The following EPHA7 variants were observed in gnomAD, a reference collection of about 807,000 sequenced individuals.
The protein encoded by EPHA7 is ephrin type-A receptor 7.
In EPHA7, 25 loss-of-function variants were observed where a neutral mutation model predicts 112.6. That is an observed-to-expected ratio of 0.22 (90% CI 0.16 to 0.31). The LOEUF (loss-of-function observed/expected upper bound fraction) is 0.31, where lower values mean the gene tolerates loss of function less well. EPHA7 is among the 10% of genes least tolerant of loss of function. The pLI, the probability that EPHA7 is intolerant of heterozygous loss-of-function variation, is 1.00. For synonymous variants in EPHA7, 437 were observed against 406.5 expected, an observed-to-expected ratio of 1.07 and a Z score of -0.90; for missense variants, 962 against 1,212.6, an observed-to-expected ratio of 0.79 and a Z score of 3.07.
At chr6:93,387,137 T>C (rs1368549523) in intron 3 of EPHA7, among the ~76,000 whole-genome samples, 1 of 152,120 alleles carries the variant, frequency 6.6e-6, no homozygotes, top group African/African-American at 2.4e-5. Flanking sequence ...AGGCTGCAAA[T>C]TTTCCAAACT....
chr6:93,402,761 T>C (rs1304200197), intron 3 of EPHA7, among the ~76,000 whole-genome samples: 3 of 152,016 alleles, frequency 2.0e-5, no homozygotes, highest in Admixed American at 6.6e-5. Context: ...ATATTTATAA[T>C]ATATAATTTG....
At chr6:93,317,169 G>T (rs1175985994) in intron 5 of EPHA7, among the ~76,000 whole-genome samples, 1 of 152,110 alleles carries the variant, frequency 6.6e-6, no homozygotes, top group Non-Finnish European at 1.5e-5. Context: ...TGTGTAAGTG[G>T]TATGTTTGCC....
intron 5 of EPHA7, among the ~76,000 whole-genome samples, chr6:93,307,905 A>G (rs1465852975): frequency 2.0e-5 from 3 of 152,194 alleles, no homozygotes; most frequent in African/African-American, 7.2e-5. Flanking sequence ...GTAGTAAACA[A>G]TATCTACTTA....
chr6:93,345,430 CT>C (rs1775353796), intron 5 of EPHA7, among the ~76,000 whole-genome samples: 1 of 151,730 alleles, frequency 6.6e-6, no homozygotes, highest in Non-Finnish European at 1.5e-5. Context: ...AGGCAAGCAG[CT>C]ACATGACTGT....
At chr6:93,414,818 C>T in intron 1 of EPHA7, 51 bp from the exon 2 acceptor site, 1 of 1,385,226 alleles carries the variant, frequency 7.2e-7, no homozygotes, top group Non-Finnish European at 1.0e-6. Flanking sequence ...CTTACGCACA[C>T]ATGTAGACAT....
At chr6:93,384,886 T>A (rs1777523904) in intron 3 of EPHA7, among the ~76,000 whole-genome samples, 1 of 152,176 alleles carries the variant, frequency 6.6e-6, no homozygotes, top group African/African-American at 2.4e-5. Context: ...TATATTACTA[T>A]ATTTTCAATA....
intron 9 of EPHA7, among the ~76,000 whole-genome samples, chr6:93,262,542 A>C (rs1333155570): frequency 1.3e-5 from 2 of 151,450 alleles, no homozygotes; most frequent in African/African-American, 4.8e-5. Context: ...AGGCCTGTGA[A>C]AGTAAGAGGC....
intron 15 of EPHA7, 44 bp downstream of exon 15, chr6:93,246,748 T>C (rs373666466): frequency 1.3e-6 from 2 of 1,512,682 alleles, no homozygotes; most frequent in Non-Finnish European, 9.1e-7. Context: ...TTTATGTTAC[T>C]ATTGTAATTT....
intron 9 of EPHA7, among the ~76,000 whole-genome samples, chr6:93,260,244 G>A (rs1770625525): frequency 6.6e-6 from 1 of 151,782 alleles, no homozygotes; most frequent in African/African-American, 2.4e-5. Context: ...CTGCTGAGGA[G>A]GTAGCCAATA....
At chr6:93,352,057 AATTTTTCTGGTTTTCC>A (rs1775720514) in intron 5 of EPHA7, among the ~76,000 whole-genome samples, 1 of 152,116 alleles carries the variant, frequency 6.6e-6, no homozygotes, top group Admixed American at 6.6e-5. Flanking sequence ...ATAATGATTT[AATTTTTCTGGTTTTCC>A]CATTGGCCTA....
intron 4 of EPHA7, among the ~76,000 whole-genome samples, chr6:93,357,494 A>T (rs1776009270): frequency 6.6e-6 from 1 of 152,168 alleles, no homozygotes; most frequent in Non-Finnish European, 1.5e-5. Flanking sequence ...GCAATGCCTG[A>T]GATTGGCTTT....
intron 3 of EPHA7, among the ~76,000 whole-genome samples, chr6:93,372,206 C>A (rs1035983802): frequency 2.0e-5 from 3 of 151,948 alleles, no homozygotes; most frequent in African/African-American, 4.8e-5. Flanking sequence ...GGATGAACAC[C>A]AATGATAAAG....
At chr6:93,313,798 T>C (rs1448392200) in intron 5 of EPHA7, among the ~76,000 whole-genome samples, 2 of 151,984 alleles carry the variant, frequency 1.3e-5, no homozygotes, top group East Asian at 3.9e-4. Flanking sequence ...AATGAGGTGA[T>C]GATTAAGAAA....
chr6:93,269,385 T>A (rs1378650166), intron 7 of EPHA7, 92 bp downstream of exon 7: 5 of 974,376 alleles, frequency 5.1e-6, no homozygotes, highest in Non-Finnish European at 7.4e-6. Flanking sequence ...GTAAAAATTA[T>A]GATGGTGCAA....
At chr6:93,289,087 C>CT (rs146179649) in intron 5 of EPHA7, among the ~76,000 whole-genome samples, 5,944 of 152,088 alleles carry the variant, frequency 0.039, 388 homozygotes, top group African/African-American at 0.14. Flanking sequence ...GGATAGGAAG[C>CT]TTTTTTTCCC....
At chr6:93,245,169 TAAAG>T (rs1769890443) in intron 16 of EPHA7, 125 bp downstream of exon 16, 3 of 870,896 alleles carry the variant, frequency 3.4e-6, no homozygotes, top group Non-Finnish European at 5.1e-6. Context: ...AAGAACTTGT[TAAAG>T]AAGTATTTTT....
intron 3 of EPHA7, among the ~76,000 whole-genome samples, chr6:93,366,170 T>C (rs1180932447): frequency 6.6e-6 from 1 of 152,150 alleles, no homozygotes; most frequent in Non-Finnish European, 1.5e-5. Context: ...AATATTCTAG[T>C]ATTATTTTTG....
chr6:93,418,553 A>C (rs533669854), intron 1 of EPHA7, among the ~76,000 whole-genome samples: 4 of 152,224 alleles, frequency 2.6e-5, no homozygotes, highest in African/African-American at 9.6e-5. Flanking sequence ...CGCTGCCCCC[A>C]TGACCGCTGG....
chr6:93,382,041 T>G (rs1211344465), intron 3 of EPHA7, among the ~76,000 whole-genome samples: 1 of 152,234 alleles, frequency 6.6e-6, no homozygotes, highest in Admixed American at 6.5e-5. Context: ...AAGTCAACTG[T>G]ACACATTATA....
Sources: gnomAD v4.1 joint callset for allele counts (sites outside exome capture counted in the v4.1 genomes callset) on GRCh38, gnomAD v4.1.1 for gene constraint, MANE v1.5 for transcripts, NCBI Gene and HGNC (gene_info 2026-07-23, HGNC 2026-07-21) for gene names.